The following MCU variants were observed in gnomAD, a reference collection of about 807,000 sequenced individuals.
MCU encodes the protein mitochondrial calcium uniporter.
Under a neutral mutation model 45.2 loss-of-function variants are expected in MCU, and 12 were observed. The ratio of observed to expected loss-of-function variants is 0.27; its 90% CI spans 0.17 to 0.43. The LOEUF (loss-of-function observed/expected upper bound fraction) is 0.43. Ranked by LOEUF, MCU falls within the 20% of genes least tolerant of loss-of-function variation. MCU has a pLI of 1.00. For synonymous variants in MCU, 160 were observed against 165.1 expected, an observed-to-expected ratio of 0.97 and a Z score of 0.24; for missense variants, 324 against 436.7, an observed-to-expected ratio of 0.74 and a Z score of 2.30.
rs190650780 is a variant in MCU, at chr10:72,706,824, C to T, written c.150+14523C>T. ...TGCTGGGATTATAGACGTAAACCAC[C>T]GCACCCGGCCTTTTTTTTTTTTTTT... On this transcript the variant is annotated intron_variant, in intron 1 of 7. Transcript: ENST00000373053. Among the ~76,000 whole-genome samples, 48 of 149,606 alleles carry T rather than the reference C, an allele frequency of 3.2e-4. No homozygotes were observed. The East Asian group carries it at 4.3e-3, about 13-fold the overall frequency.
At chr10:72,814,769 G>A (rs1182820086) in intron 1 of MCU, among the ~76,000 whole-genome samples, 1 of 152,174 alleles carries the variant, frequency 6.6e-6, no homozygotes, top group Non-Finnish European at 1.5e-5. Context: ...GGTCTAACCA[G>A]TGAACCTTTA....
chr10:72,721,498 C>G (rs1843021500), intron 1 of MCU, among the ~76,000 whole-genome samples: 1 of 152,198 alleles, frequency 6.6e-6, no homozygotes, highest in Non-Finnish European at 1.5e-5. Flanking sequence ...CTTGCCCACT[C>G]CATTTTGTGA....
intron 1 of MCU, among the ~76,000 whole-genome samples, chr10:72,768,603 C>T (rs1843761190): frequency 6.6e-6 from 1 of 152,106 alleles, no homozygotes; most frequent in Non-Finnish European, 1.5e-5. Context: ...TGAGGTTAGT[C>T]CATTCACTTT....
At chr10:72,712,504 A>G (rs1008171815) in intron 1 of MCU, 1 of 152,172 alleles carries the variant, frequency 6.6e-6, no homozygotes, top group African/African-American at 2.4e-5. Flanking sequence ...GTTGGCATTA[A>G]TTCATTGTTT....
intron 1 of MCU, among the ~76,000 whole-genome samples, chr10:72,696,861 C>A (rs1842694199): frequency 6.6e-6 from 1 of 152,044 alleles, no homozygotes; most frequent in South Asian, 2.1e-4. Flanking sequence ...TTGGAGAATT[C>A]CTTTAAGCTT....
At chr10:72,830,265 C>A (rs1432961187) in intron 1 of MCU, among the ~76,000 whole-genome samples, 1 of 152,182 alleles carries the variant, frequency 6.6e-6, no homozygotes, top group Admixed American at 6.5e-5. Flanking sequence ...AGCTTGCCAA[C>A]CCATGTTCTA....
intron 1 of MCU, among the ~76,000 whole-genome samples, chr10:72,732,900 C>G (rs962994596): frequency 6.6e-6 from 1 of 152,070 alleles, no homozygotes; most frequent in Admixed American, 6.6e-5. Context: ...ATCCATGAGA[C>G]GAAAATGGCC....
At chr10:72,823,631 C>T (rs912012078) in intron 1 of MCU, among the ~76,000 whole-genome samples, 4 of 152,188 alleles carry the variant, frequency 2.6e-5, no homozygotes, top group African/African-American at 7.2e-5. Flanking sequence ...TGTGAAGTTA[C>T]ACCTTGGCAT....
chr10:72,814,814 C>G lies in MCU; in HGVS notation c.151-19545C>G, dbSNP rs538277220. On this transcript the variant is annotated intron_variant, in intron 1 of 7. Transcript: ENST00000373053. ...TCTGACATTTAGTTTTTTATAGACT[C>G]AAATTATAGATATGATCTGTTACAA... Among the ~76,000 whole-genome samples, 4 of 152,204 alleles carry G rather than the reference C, an allele frequency of 2.6e-5. No individual in the cohort carries two copies. The East Asian group carries it at 7.7e-4, about 29-fold the overall frequency.
rs1379364053 is a variant in MCU, at chr10:72,868,930, T to G, written c.657+67T>G. On this transcript the variant is annotated intron_variant, in intron 5 of 7. Coordinates refer to ENST00000373053, the MANE Select transcript of MCU (RefSeq NM_138357.3). ...TTTTCCAGAGCATATATGTTTCTGT[T>G]TTTTCTTGTAAGTTTTATGCAATTG... 8 of 1,509,940 alleles carry G rather than the reference T, an allele frequency of 5.3e-6. No individual in the cohort carries two copies. In the Admixed American group the frequency reaches 1.7e-4, roughly 32 times the overall value. The allele number at this position is 1,509,940 out of a possible 1,614,324, so 93.5% of individuals were successfully genotyped here.
chr10:72,832,002 G>C (rs1844885710), intron 1 of MCU, among the ~76,000 whole-genome samples: 1 of 152,156 alleles, frequency 6.6e-6, no homozygotes. Flanking sequence ...GAACAAAAAA[G>C]TAAGCCTTTC....
At chr10:72,714,152 C>G (rs960522900) in intron 1 of MCU, among the ~76,000 whole-genome samples, 1 of 150,546 alleles carries the variant, frequency 6.6e-6, no homozygotes, top group Non-Finnish European at 1.5e-5. Context: ...TTTTTAGTAG[C>G]GATGGGGTTT....
intron 1 of MCU, among the ~76,000 whole-genome samples, chr10:72,727,961 A>G (rs181201868): frequency 6.6e-6 from 1 of 151,892 alleles, no homozygotes; most frequent in Admixed American, 6.6e-5. Context: ...GATGCCAGAG[A>G]ATCAGTCTTG....
intron 1 of MCU, among the ~76,000 whole-genome samples, chr10:72,813,244 A>G (rs563134027): frequency 6.6e-6 from 1 of 152,070 alleles, no homozygotes; most frequent in African/African-American, 2.4e-5. Context: ...GCAACAGCTG[A>G]CCAGCCAACT....
At chr10:72,751,808 G>T (rs991253103) in intron 1 of MCU, among the ~76,000 whole-genome samples, 6 of 151,170 alleles carry the variant, frequency 4.0e-5, no homozygotes, top group African/African-American at 1.5e-4. Flanking sequence ...GAACATTCTT[G>T]TGCAGGCCTG....
intron 1 of MCU, among the ~76,000 whole-genome samples, chr10:72,806,675 G>A (rs1262234107): frequency 1.3e-5 from 2 of 152,196 alleles, no homozygotes; most frequent in East Asian, 1.9e-4. Context: ...ATCACATAAT[G>A]TGAAGTTCCA....
At chr10:72,762,631 A>G (rs1843671017) in intron 1 of MCU, among the ~76,000 whole-genome samples, 1 of 152,188 alleles carries the variant, frequency 6.6e-6, no homozygotes, top group Admixed American at 6.5e-5. Context: ...AATCTTTTTA[A>G]TTATGAACAT....
At chr10:72,745,274 G>A (rs1356894858) in intron 1 of MCU, among the ~76,000 whole-genome samples, 1 of 152,054 alleles carries the variant, frequency 6.6e-6, no homozygotes, top group Non-Finnish European at 1.5e-5. Flanking sequence ...TGTTGCCCAA[G>A]CTGGAGTGCA....
intron 1 of MCU, among the ~76,000 whole-genome samples, chr10:72,755,130 G>T (rs1843556288): frequency 1.3e-5 from 2 of 149,398 alleles, no homozygotes; most frequent in Admixed American, 6.7e-5. Context: ...TTTCTTACTA[G>T]ATATGTGAAC....
Sources: gnomAD v4.1 joint callset for allele counts (sites outside exome capture counted in the v4.1 genomes callset) on GRCh38, gnomAD v4.1.1 for gene constraint, MANE v1.5 for transcripts, NCBI Gene and HGNC (gene_info 2026-07-23, HGNC 2026-07-21) for gene names.